The following GLT8D2 variants were observed in gnomAD, a reference collection of about 807,000 sequenced individuals.
GLT8D2 encodes the protein glycosyltransferase 8 domain-containing protein 2.
GLT8D2 carries 45 observed loss-of-function variants against 44.5 expected under a neutral mutation model. The observed-to-expected ratio is 1.01, with a 90% CI of 0.80 to 1.30. The LOEUF (loss-of-function observed/expected upper bound fraction) is 1.30, where lower values mean the gene tolerates loss of function less well. GLT8D2 is among the 50% of genes most tolerant of loss of function. GLT8D2 has a pLI of 0.00. For missense variants in GLT8D2, 400 were observed against 430.4 expected, an observed-to-expected ratio of 0.93 and a Z score of 0.62; for synonymous variants, 156 against 157.2, an observed-to-expected ratio of 0.99 and a Z score of 0.06.
intron 1 of GLT8D2, among the ~76,000 whole-genome samples, 199 bp from the exon 2 acceptor site, chr12:104,021,690 G>A (rs540060620): frequency 2.6e-5 from 4 of 151,616 alleles, no homozygotes; most frequent in East Asian, 3.9e-4. Context: ...TCGGGAGGTT[G>A]AGGAAGGAGG....
intron 1 of GLT8D2, among the ~76,000 whole-genome samples, chr12:104,041,377 G>T (rs929877707): frequency 6.6e-6 from 1 of 152,176 alleles, no homozygotes; most frequent in Admixed American, 6.5e-5. Context: ...TCGCACCATT[G>T]CACTCCAGCC....
chr12:104,051,761 C>A (rs1428701628), upstream of GLT8D2, among the ~76,000 whole-genome samples: 1 of 151,518 alleles, frequency 6.6e-6, no homozygotes, highest in Non-Finnish European at 1.5e-5. Context: ...TTTTTTTTAA[C>A]TAAGTCTTTG....
chr12:104,029,030 G>A (rs1330965545), intron 1 of GLT8D2, among the ~76,000 whole-genome samples: 1 of 152,170 alleles, frequency 6.6e-6, no homozygotes, highest in East Asian at 1.9e-4. Context: ...AGTGGCTCAC[G>A]CCTGTAATCC....
At chr12:104,028,860 G>A (rs1289133197) in intron 1 of GLT8D2, among the ~76,000 whole-genome samples, 4 of 151,816 alleles carry the variant, frequency 2.6e-5, no homozygotes, top group Admixed American at 2.0e-4. Flanking sequence ...CATGGATAAC[G>A]TCATGGTCAA....
At chr12:104,054,487 C>T (rs1388675685), upstream of GLT8D2, among the ~76,000 whole-genome samples, 3 of 151,616 alleles carry the variant, frequency 2.0e-5, no homozygotes, top group African/African-American at 7.3e-5. Flanking sequence ...AGGCAGATAT[C>T]CAAAGGAAAT....
At chr12:104,039,100 A>G (rs1393765157) in intron 1 of GLT8D2, among the ~76,000 whole-genome samples, 1 of 152,184 alleles carries the variant, frequency 6.6e-6, no homozygotes, top group Non-Finnish European at 1.5e-5. Flanking sequence ...ATACATAGAA[A>G]GCTGAAACTG....
chr12:103,989,696 A>G (rs991825667), intron 10 of GLT8D2, 119 bp from the exon 11 acceptor site: 3 of 852,894 alleles, frequency 3.5e-6, no homozygotes, highest in Admixed American at 2.9e-5. Context: ...TTATACAGTG[A>G]ATTTTCTACC....
At chr12:104,001,379 T>C (rs187728585) in intron 5 of GLT8D2, among the ~76,000 whole-genome samples, 14 of 152,370 alleles carry the variant, frequency 9.2e-5, no homozygotes, top group Non-Finnish European at 2.1e-4. Flanking sequence ...AGAATTTTTG[T>C]AGCACAGATT....
intron 4 of GLT8D2, chr12:104,014,354 C>CAA (rs370390281): frequency 4.2e-5 from 24 of 570,568 alleles, no homozygotes; most frequent in Admixed American, 2.2e-4. Flanking sequence ...GATTCTGTCT[C>CAA]AAAAAAAAAA....
intron 1 of GLT8D2, chr12:104,031,480 G>A (rs1593559109): frequency 6.2e-7 from 1 of 1,613,418 alleles, no homozygotes; most frequent in Non-Finnish European, 8.5e-7. Context: ...AGTTTCTGGG[G>A]GATGAGGAGA....
chr12:104,037,881 G>A (rs1880083329), intron 1 of GLT8D2, among the ~76,000 whole-genome samples: 1 of 152,064 alleles, frequency 6.6e-6, no homozygotes. Context: ...ATGAACATCA[G>A]TGCGAAATCC....
chr12:104,055,921 C>G (rs1290083674), intron 1 of GLT8D2, among the ~76,000 whole-genome samples: 1 of 152,226 alleles, frequency 6.6e-6, no homozygotes, highest in Non-Finnish European at 1.5e-5. Flanking sequence ...TCAATTCCCT[C>G]TCTTTTGCCT....
chr12:103,990,649 C>T (rs1872641214), intron 10 of GLT8D2, among the ~76,000 whole-genome samples: 1 of 152,136 alleles, frequency 6.6e-6, no homozygotes, highest in South Asian at 2.1e-4. Flanking sequence ...TATTGTATGA[C>T]GTTAACAACA....
At chr12:104,036,795 C>T (rs1879973274) in intron 1 of GLT8D2, among the ~76,000 whole-genome samples, 1 of 152,216 alleles carries the variant, frequency 6.6e-6, no homozygotes, top group Admixed American at 6.5e-5. Context: ...TTGAGCTCAG[C>T]TCTGCACCAA....
intron 1 of GLT8D2, among the ~76,000 whole-genome samples, chr12:104,022,564 T>C (rs1168059727): frequency 3.9e-5 from 6 of 152,170 alleles, no homozygotes; most frequent in Admixed American, 2.6e-4. Flanking sequence ...AGGACTTATA[T>C]TGAACATATT....
At chr12:104,010,020 A>G (rs1875611390) in intron 4 of GLT8D2, among the ~76,000 whole-genome samples, 1 of 784 alleles carries the variant, frequency 1.3e-3, no homozygotes, top group African/African-American at 2.7e-3. Context: ...TTTTATAAAC[A>G]AACCAAAAAA....
intron 4 of GLT8D2, among the ~76,000 whole-genome samples, chr12:104,008,064 A>G (rs949488171): frequency 1.3e-5 from 2 of 152,214 alleles, no homozygotes; most frequent in African/African-American, 4.8e-5. Context: ...AAAACGGACT[A>G]ATACAGTAAA....
chr12:104,021,027 A>G (rs1336115378), intron 2 of GLT8D2, among the ~76,000 whole-genome samples: 2 of 152,238 alleles, frequency 1.3e-5, no homozygotes, highest in Admixed American at 1.3e-4. Context: ...TTCCCAAGGG[A>G]ATTCTGATGG....
intron 1 of GLT8D2, among the ~76,000 whole-genome samples, chr12:104,063,737 T>C (rs1213036969): frequency 6.6e-6 from 1 of 151,802 alleles, no homozygotes; most frequent in Non-Finnish European, 1.5e-5. Flanking sequence ...CATCAGAAAA[T>C]TACCTTACTG....
Sources: allele counts gnomAD v4.1 joint callset (sites outside exome capture counted in the v4.1 genomes callset), GRCh38; gene constraint gnomAD v4.1.1; transcripts MANE v1.5; gene names NCBI Gene and HGNC (gene_info 2026-07-23, HGNC 2026-07-21).